The following CENPP variants were observed in gnomAD, a reference collection of about 807,000 sequenced individuals.
CENPP encodes the protein centromere protein P.
Under a neutral mutation model 35.6 loss-of-function variants are expected in CENPP, and 24 were observed. That is an observed-to-expected ratio of 0.67 (90% confidence interval 0.49 to 0.95). The LOEUF (loss-of-function observed/expected upper bound fraction) is 0.95. Among genes scored for constraint, CENPP ranks in the 40% least tolerant of loss-of-function variants. The pLI is 0.00. For missense variants in CENPP, 332 were observed against 345.3 expected, an observed-to-expected ratio of 0.96 and a Z score of 0.31; for synonymous variants, 120 against 125.5, an observed-to-expected ratio of 0.96 and a Z score of 0.29.
At chr9:92,491,203 A>G (rs1846163344) in intron 5 of CENPP, among the ~76,000 whole-genome samples, 2 of 152,192 alleles carry the variant, frequency 1.3e-5, no homozygotes, top group African/African-American at 4.8e-5. Flanking sequence ...AATTCCAGAT[A>G]ATCATTATGT....
At chr9:92,452,456 A>G (rs1314673082) in intron 5 of CENPP, among the ~76,000 whole-genome samples, 1 of 152,156 alleles carries the variant, frequency 6.6e-6, no homozygotes, top group African/African-American at 2.4e-5. Context: ...AGCCCACTTG[A>G]TCATGGTAGA....
intron 4 of CENPP, among the ~76,000 whole-genome samples, chr9:92,373,567 C>G (rs1202968511): frequency 6.6e-6 from 1 of 152,130 alleles, no homozygotes; most frequent in Non-Finnish European, 1.5e-5. Context: ...GTGGCTCACG[C>G]CTGTAACCCC....
intron 5 of CENPP, among the ~76,000 whole-genome samples, chr9:92,573,158 TGGA>T (rs1288143184): frequency 6.6e-6 from 1 of 152,232 alleles, no homozygotes; most frequent in Non-Finnish European, 1.5e-5. Context: ...TGCGTTCCTT[TGGA>T]GGAGAAGAGG....
At chr9:92,496,966 C>T (rs968809309) in intron 5 of CENPP, among the ~76,000 whole-genome samples, 1 of 151,306 alleles carries the variant, frequency 6.6e-6, no homozygotes, top group Admixed American at 6.6e-5. Flanking sequence ...TCCAGAAGCT[C>T]ATTAACATAT....
At chr9:92,507,756 A>G (rs1485585269) in intron 5 of CENPP, among the ~76,000 whole-genome samples, 2 of 152,176 alleles carry the variant, frequency 1.3e-5, no homozygotes, top group Non-Finnish European at 2.9e-5. Context: ...GGTTTTCCTC[A>G]GCTGTCCCTC....
intron 5 of CENPP, among the ~76,000 whole-genome samples, chr9:92,421,263 C>A (rs938269481): frequency 7.2e-5 from 11 of 152,264 alleles, no homozygotes; most frequent in Admixed American, 5.9e-4. Flanking sequence ...TGGTCATGAA[C>A]TTCTGGGCTC....
intron 5 of CENPP, chr9:92,403,428 CTG>C (rs1843201759): frequency 6.3e-7 from 1 of 1,586,992 alleles, no homozygotes; most frequent in Admixed American, 1.8e-5. Context: ...ATCAAGGTGA[CTG>C]GAAGTTAATA....
chr9:92,508,717 T>C (rs1205882327), intron 5 of CENPP, among the ~76,000 whole-genome samples: 2 of 152,272 alleles, frequency 1.3e-5, no homozygotes, highest in East Asian at 3.9e-4. Flanking sequence ...CCATAACTAA[T>C]CCTCAGATTT....
chr9:92,616,674 G>T lies in CENPP; in HGVS notation c.*3525G>T, dbSNP rs1439103362. On this transcript the variant is annotated 3_prime_UTR_variant, in exon 8 of 8. Transcript: ENST00000375587. ...ATTTTGCTTCTCAGGGCTTAGTTTT[G>T]TGGTTTTAACCTCAGAAGTCGTGTG... 1 of 152,560 alleles carries T rather than the reference G, an allele frequency of 6.6e-6. No individual in the cohort carries two copies. The highest frequency in any genetic ancestry group is 2.4e-5 in the African/African-American group (1 of 41,404). The allele number at this position is 152,560 out of a possible 1,614,324, so 9.5% of individuals were successfully genotyped here. A position where few individuals can be genotyped will look rare whatever the true frequency, so the allele number is the denominator to read the frequency against.
chr9:92,472,387 C>A (rs999540860), intron 5 of CENPP, among the ~76,000 whole-genome samples: 1 of 139,630 alleles, frequency 7.2e-6, no homozygotes, highest in African/African-American at 2.7e-5. Context: ...AGGCTGGGCG[C>A]GGTGGCTCAC....
At chr9:92,404,450 A>C in intron 5 of CENPP, 1 of 1,182,494 alleles carries the variant, frequency 8.5e-7, no homozygotes, top group East Asian at 6.2e-5. Context: ...AGTCAGTCGC[A>C]CTTTAACAAA....
At chr9:92,469,470 T>G (rs1363519604) in intron 5 of CENPP, among the ~76,000 whole-genome samples, 1 of 152,160 alleles carries the variant, frequency 6.6e-6, no homozygotes, top group East Asian at 1.9e-4. Flanking sequence ...CAGGGTCCAC[T>G]GCACTGACCC....
At chr9:92,333,954 C>G (rs777046776) in intron 2 of CENPP, among the ~76,000 whole-genome samples, 3 of 152,124 alleles carry the variant, frequency 2.0e-5, no homozygotes, top group Non-Finnish European at 2.9e-5. Flanking sequence ...TGCAGCTATG[C>G]TTTTATTTCT....
intron 5 of CENPP, among the ~76,000 whole-genome samples, chr9:92,582,349 C>T (rs1850447586): frequency 6.6e-6 from 1 of 152,162 alleles, no homozygotes; most frequent in South Asian, 2.1e-4. Context: ...TGAACTACCA[C>T]ACCTGGCCCA....
chr9:92,545,498 C>T lies in CENPP; in HGVS notation c.565-65816C>T, dbSNP rs1008537789. Among the ~76,000 whole-genome samples, 8 of 151,756 alleles carry T rather than the reference C, an allele frequency of 5.3e-5. No individual in the cohort carries two copies. The South Asian group carries it at 6.2e-4, about 12-fold the overall frequency. On this transcript the variant is annotated intron_variant, in intron 5 of 7. Coordinates refer to ENST00000375587, the MANE Select transcript of CENPP (RefSeq NM_001012267.3). ...AGCTGCCTCCCCGCGGGGCAGGGCT[C>T]CGGACCTGCAGCCCGCCAAGACTGA...
At chr9:92,541,422 A>G (rs62572513) in intron 5 of CENPP, among the ~76,000 whole-genome samples, 5 of 48,770 alleles carry the variant, frequency 1.0e-4, no homozygotes, top group East Asian at 5.1e-4. Context: ...CCCCCTCCCC[A>G]CCCCGCCCAC....
chr9:92,480,338 G>A (rs1845869973), intron 5 of CENPP, among the ~76,000 whole-genome samples: 2 of 152,212 alleles, frequency 1.3e-5, no homozygotes, highest in African/African-American at 4.8e-5. Flanking sequence ...CTCTTTTACT[G>A]AGAAAAAGCA....
chr9:92,550,410 T>C (rs963102456), intron 5 of CENPP, among the ~76,000 whole-genome samples: 1 of 148,434 alleles, frequency 6.7e-6, no homozygotes, highest in African/African-American at 2.5e-5. Context: ...AAAAAAATGG[T>C]GTCATTGGAG....
chr9:92,504,400 A>G (rs747352075), intron 5 of CENPP, among the ~76,000 whole-genome samples: 5 of 152,166 alleles, frequency 3.3e-5, no homozygotes, highest in Non-Finnish European at 5.9e-5. Context: ...GCAGCCGGAG[A>G]ATGCTCCATC....
Sources: allele counts gnomAD v4.1 joint callset (sites outside exome capture counted in the v4.1 genomes callset), GRCh38; gene constraint gnomAD v4.1.1; transcripts MANE v1.5; gene names NCBI Gene and HGNC (gene_info 2026-07-23, HGNC 2026-07-21).